Variants in LMF1 observed in about 807,000 individuals in gnomAD.
LMF1 encodes lipase maturation factor 1.
A neutral mutation model predicts 60.6 loss-of-function variants in LMF1; 68 were observed. The observed-to-expected ratio is 1.12, with a 90% CI of 0.92 to 1.37. The LOEUF is 1.37. Among genes scored for constraint, LMF1 ranks in the 40% most tolerant of loss-of-function variants. The probability of loss-of-function intolerance (pLI) is 0.00; values close to 1 mark genes in which losing one functional copy is unlikely to be tolerated. For missense variants in LMF1, 948 were observed against 767.2 expected, an observed-to-expected ratio of 1.24 and a Z score of -2.78; for synonymous variants, 418 against 324.7, an observed-to-expected ratio of 1.29 and a Z score of -3.09.
chr16:913,520 G>A (rs901864962), intron 3 of LMF1, among the ~76,000 whole-genome samples: 15 of 152,228 alleles, frequency 9.9e-5, no homozygotes, highest in African/African-American at 3.4e-4. Flanking sequence ...TGGATGCCCC[G>A]ATGCTGGTGC....
chr16:871,338 C>T lies in LMF1; in HGVS notation c.901G>A (p.Val301Ile), dbSNP rs183552168. The T allele has an allele frequency of 3.8e-5, 62 of 1,611,820 alleles. No homozygotes were observed. The East Asian group carries it at 5.6e-4, about 14-fold the overall frequency. ...CTGAGGTTCCCGCTGACGATGAGGA[C>T]GGCCTGTGGAGACGCCGCAGCTGAG... ...HGVLQILFQA[V>I]LIVSGNLSFL... Residue 301 changes from valine to isoleucine, a missense_variant, in exon 7 of 11, where the codon GTC becomes ATC. Val to Ile is a conservative substitution (Grantham distance 29). Transcript: ENST00000262301.
chr16:914,151 A>G (rs1456621599), intron 3 of LMF1, among the ~76,000 whole-genome samples: 3 of 151,666 alleles, frequency 2.0e-5, no homozygotes, highest in Non-Finnish European at 4.4e-5. Context: ...CACCACTGCA[A>G]CCTGGGCCAC....
chr16:930,975 G>A (rs2071764835), intron 3 of LMF1, among the ~76,000 whole-genome samples: 1 of 152,130 alleles, frequency 6.6e-6, no homozygotes, highest in Admixed American at 6.5e-5. Flanking sequence ...ACAAAAATTA[G>A]CCGGGCGTGG....
intron 10 of LMF1, among the ~76,000 whole-genome samples, chr16:860,728 TTTG>T (rs2069438024): frequency 6.6e-6 from 1 of 152,124 alleles, no homozygotes; most frequent in African/African-American, 2.4e-5. Flanking sequence ...GGTCGAAGAT[TTTG>T]TTTTTGTCCA....
intron 2 of LMF1, among the ~76,000 whole-genome samples, chr16:948,035 CAG>C (rs1489736932): frequency 3.1e-5 from 4 of 131,138 alleles, no homozygotes; most frequent in African/African-American, 1.1e-4. Context: ...GAGACAACGA[CAG>C]AGTCAGCCAA....
chr16:898,516 G>A (rs569937741), intron 4 of LMF1, among the ~76,000 whole-genome samples: 87 of 152,378 alleles, frequency 5.7e-4, no homozygotes, highest in African/African-American at 2.1e-3. Context: ...CTTGGCTGCT[G>A]GGGCCTGGAG....
chr16:868,025 G>C (rs989793610), intron 10 of LMF1, among the ~76,000 whole-genome samples: 9 of 152,292 alleles, frequency 5.9e-5, no homozygotes, highest in African/African-American at 1.9e-4. Context: ...TTTTCCGTCA[G>C]AATCGGCGGC....
intron 6 of LMF1, among the ~76,000 whole-genome samples, chr16:877,148 T>C (rs1056007096): frequency 6.6e-6 from 1 of 152,050 alleles, no homozygotes; most frequent in African/African-American, 2.4e-5. Context: ...CTGGGCAACA[T>C]AGCGAGACCC....
chr16:853,947 T>C lies in LMF1; in HGVS notation c.*585A>G, dbSNP rs757891460. 4 of 453,846 alleles carry C rather than the reference T, an allele frequency of 8.8e-6. No homozygotes were observed. The highest frequency in any genetic ancestry group is 3.1e-5 in the South Asian group (2 of 64,474). The allele number at this position is 453,846 out of a possible 1,614,324, so 28.1% of individuals were successfully genotyped here. A position where few individuals can be genotyped will look rare whatever the true frequency, so the allele number is the denominator to read the frequency against. Reference sequence around the variant, plus strand: ...TGTGTGCCTGCATGTGTGGGATGCGTGTAGGCTGTGGCGGGGGTGGAGATG... The same window carrying C: ...TGTGTGCCTGCATGTGTGGGATGCGCGTAGGCTGTGGCGGGGGTGGAGATG... On this transcript the variant is annotated 3_prime_UTR_variant, in exon 11 of 11. Coordinates refer to ENST00000262301, the MANE Select transcript of LMF1 (RefSeq NM_022773.4).
chr16:872,807 T>C (rs1056286614), intron 6 of LMF1: 10 of 152,316 alleles, frequency 6.6e-5, no homozygotes, highest in African/African-American at 2.4e-4. Context: ...TCAGCCTGAC[T>C]GGCAGATGGG....
At chr16:936,758 C>T (rs4984988) in intron 2 of LMF1, among the ~76,000 whole-genome samples, 65,142 of 152,110 alleles carry the variant, frequency 0.43, 16,611 homozygotes, top group African/African-American at 0.71. Flanking sequence ...CTTAGTTGAA[C>T]GGAGAAAGGA....
At chr16:867,014 G>C (rs555121343) in intron 10 of LMF1, among the ~76,000 whole-genome samples, 4 of 152,162 alleles carry the variant, frequency 2.6e-5, no homozygotes, top group Non-Finnish European at 5.9e-5. Context: ...AGGAACAGGG[G>C]TAAGTGTCTG....
At chr16:959,682 T>C (rs2072782011) in intron 1 of LMF1, among the ~76,000 whole-genome samples, 2 of 152,150 alleles carry the variant, frequency 1.3e-5, no homozygotes, top group Non-Finnish European at 2.9e-5. Flanking sequence ...CAGAAGGAGC[T>C]GTACACAAAC....
chr16:898,270 C>T (rs772290242), intron 4 of LMF1, among the ~76,000 whole-genome samples: 4 of 149,830 alleles, frequency 2.7e-5, no homozygotes, highest in Non-Finnish European at 5.9e-5. Flanking sequence ...AAGTGAATTC[C>T]CATGAGTTTG....
intron 2 of LMF1, among the ~76,000 whole-genome samples, chr16:952,141 G>C (rs1158348503): frequency 6.6e-6 from 1 of 152,158 alleles, no homozygotes; most frequent in Non-Finnish European, 1.5e-5. Flanking sequence ...GCCCTGCCCT[G>C]GTGACACTGT....
intron 3 of LMF1, among the ~76,000 whole-genome samples, chr16:918,482 A>C (rs2071339703): frequency 6.6e-6 from 1 of 152,258 alleles, no homozygotes; most frequent in Non-Finnish European, 1.5e-5. Flanking sequence ...ATGTGTTCCA[A>C]GTATTTCACC....
At chr16:866,654 T>G (rs1013676474) in intron 10 of LMF1, among the ~76,000 whole-genome samples, 4 of 152,186 alleles carry the variant, frequency 2.6e-5, no homozygotes, top group African/African-American at 7.2e-5. Flanking sequence ...GGCTCCCTAC[T>G]CCATACCTTG....
chr16:886,083 G>C (rs1320001041), intron 5 of LMF1, among the ~76,000 whole-genome samples: 2 of 152,230 alleles, frequency 1.3e-5, no homozygotes, highest in Non-Finnish European at 2.9e-5. Flanking sequence ...AGCCTTTAAG[G>C]AACTTTCATT....
At chr16:859,207 T>C (rs2069337625) in intron 10 of LMF1, among the ~76,000 whole-genome samples, 1 of 115,066 alleles carries the variant, frequency 8.7e-6, no homozygotes, top group Non-Finnish European at 1.7e-5. Context: ...GTGAGTGGTG[T>C]CTCGGGACGG....
Sources: gnomAD v4.1 joint callset for allele counts (sites outside exome capture counted in the v4.1 genomes callset) on GRCh38, gnomAD v4.1.1 for gene constraint, MANE v1.5 for transcripts, NCBI Gene and HGNC (gene_info 2026-07-23, HGNC 2026-07-21) for gene names.